The following SKI variants were observed in gnomAD, a reference collection of about 807,000 sequenced individuals.
SKI encodes the protein ski oncogene.
In SKI, 23 loss-of-function variants were observed where a neutral mutation model predicts 59.3. The ratio of observed to expected loss-of-function variants is 0.39; its 90% CI spans 0.28 to 0.55. The LOEUF (loss-of-function observed/expected upper bound fraction) is 0.55, where lower values mean the gene tolerates loss of function less well. SKI is among the 20% of genes least tolerant of loss of function. SKI has a pLI of 0.67. For synonymous variants in SKI, 673 were observed against 488.6 expected, an observed-to-expected ratio of 1.38 and a Z score of -4.98; for missense variants, 1,017 against 1,038.9, an observed-to-expected ratio of 0.98 and a Z score of 0.29.
At position 2,229,231 on chromosome 1, in the gene SKI, C is replaced by G. The variant is rs1026586604; in HGVS notation, c.465C>G (p.Ala155=). 5 of 1,606,352 alleles carry G rather than the reference C, an allele frequency of 3.1e-6. No individual in the cohort carries two copies. The highest frequency in any genetic ancestry group is 1.3e-5 in the African/African-American group (1 of 74,802). ...ACATCTACTGCTCGCGCTGCACGGC[C>G]GACCAGCTGGAGATCCTCAAAGTCA... ...ELHIYCSRCT[A]DQLEILKVMG... is the part of the protein sequence containing the mutation. Residue 155 remains alanine, a synonymous_variant, in exon 1 of 7, where the codon GCC becomes GCG. Coordinates refer to ENST00000378536, the MANE Select transcript of SKI (RefSeq NM_003036.4). The surrounding 1 kb of genome is among the most constrained non-coding windows in gnomAD (Gnocchi z 6.3).
At chr1:2,286,697 C>CTTT (rs1640046267) in intron 1 of SKI, among the ~76,000 whole-genome samples, 1 of 152,248 alleles carries the variant, frequency 6.6e-6, no homozygotes, top group Non-Finnish European at 1.5e-5. Context: ...AGCTCTCGCT[C>CTTT]TGAGTGAGGA....
In SKI at chr1:2,303,866, C is replaced by T. The variant is rs2100918212; in HGVS notation, c.1238C>T (p.Thr413Ile). Residue 413 changes from threonine to isoleucine, a missense_variant, in exon 4 of 7, where the codon ACA becomes ATA. Thr to Ile is a moderately conservative substitution (Grantham distance 89). Coordinates refer to ENST00000378536, the MANE Select transcript of SKI (RefSeq NM_003036.4). This position sits in a 1 kb window ranked among gnomAD's most constrained non-coding sequence, Gnocchi z 5.6. ...DSFYSYKSFE[T>I]AVAPNVALAP... Reference sequence around the variant, plus strand: ...TTCTACTCCTACAAGAGCTTTGAGACAGCCGTGGCGCCCAACGTGGCCCTC... The same window carrying T: ...TTCTACTCCTACAAGAGCTTTGAGATAGCCGTGGCGCCCAACGTGGCCCTC... 1.2e-6 allele frequency: 2 copies of T among 1,612,488 alleles called. No homozygotes were observed. The highest frequency in any genetic ancestry group is 1.7e-6 in the Non-Finnish European group (2 of 1,179,816).
chr1:2,246,332 C>G (rs1056051511), intron 1 of SKI, among the ~76,000 whole-genome samples: 4 of 152,178 alleles, frequency 2.6e-5, no homozygotes, highest in Non-Finnish European at 4.4e-5. Flanking sequence ...CCTATATCCT[C>G]TTTGAGGAAT....
intron 1 of SKI, among the ~76,000 whole-genome samples, chr1:2,300,526 G>T (rs964655323): frequency 6.6e-6 from 1 of 152,222 alleles, no homozygotes; most frequent in Non-Finnish European, 1.5e-5. Context: ...TTGGTAGGGC[G>T]GGTGGCATCC....
intron 1 of SKI, among the ~76,000 whole-genome samples, chr1:2,236,113 G>T (rs1638745460): frequency 1.3e-5 from 2 of 152,174 alleles, no homozygotes; most frequent in African/African-American, 4.8e-5. Flanking sequence ...GAATCGGGGC[G>T]TTTAGGCCTG....
chr1:2,231,772 A>G (rs181126602), intron 1 of SKI, among the ~76,000 whole-genome samples: 108 of 152,274 alleles, frequency 7.1e-4, no homozygotes, highest in African/African-American at 2.5e-3. Context: ...AATGTTCACC[A>G]GCTCCTGCGG....
Position 2,307,578 on chromosome 1 carries a change from C to T in SKI, c.*813C>T, listed in dbSNP as rs2100928957. The T allele has an allele frequency of 1.3e-5, 2 of 152,586 alleles. No individual in the cohort carries two copies. Among genetic ancestry groups the T allele is most frequent in the South Asian group, 4.1e-4 (2 of 4,836 alleles). The allele number at this position is 152,586 out of a possible 1,614,324, so 9.5% of individuals were successfully genotyped here. On this transcript the variant is annotated 3_prime_UTR_variant, in exon 7 of 7. Transcript: ENST00000378536. ...GCTGGCGGTCACGCCCTCAGCCCCT[C>T]CGGGCACACGTGCCGCCTGACCGGG...
chr1:2,228,412 G>A lies in SKI; in HGVS notation c.-355G>A, dbSNP rs2100788812. Among the ~76,000 whole-genome samples the A allele has an allele frequency of 7.1e-6, 1 of 141,706 alleles. No homozygotes were observed. Among genetic ancestry groups the A allele is most frequent in the South Asian group, 2.2e-4 (1 of 4,466 alleles). 93.0% of individuals were successfully genotyped at this position (141,706 alleles called of 152,430 possible). A position where few individuals can be genotyped will look rare whatever the true frequency, so the allele number is the denominator to read the frequency against. On this transcript the variant is annotated 5_prime_UTR_variant, in exon 1 of 7. Transcript: ENST00000378536. ...CGCGCCCCCCGCGAGCCCCGGGCCC[G>A]CGAGCGTTGGCGTTGGCGTTGGCGG...
At chr1:2,250,913 G>A (rs1203671742) in intron 1 of SKI, among the ~76,000 whole-genome samples, 2 of 152,258 alleles carry the variant, frequency 1.3e-5, no homozygotes, top group Non-Finnish European at 2.9e-5. Flanking sequence ...TATCAGAGGC[G>A]TGGGAGGCAT....
At chr1:2,305,922 A>T (rs1235433141) in intron 5 of SKI, 98 bp from the exon 6 acceptor site, 3 of 953,282 alleles carry the variant, frequency 3.1e-6, no homozygotes, top group Admixed American at 4.0e-5. Context: ...ACATTGTCAG[A>T]TAGATGACCC....
At chr1:2,262,106 G>T (rs1471403845) in intron 1 of SKI, among the ~76,000 whole-genome samples, 5 of 140,560 alleles carry the variant, frequency 3.6e-5, no homozygotes, top group Admixed American at 3.5e-4. Flanking sequence ...CCTCGCTCCT[G>T]ATCTCCTGGT....
At chr1:2,262,807 C>T (rs1483564007) in intron 1 of SKI, among the ~76,000 whole-genome samples, 1 of 152,044 alleles carries the variant, frequency 6.6e-6, no homozygotes, top group African/African-American at 2.4e-5. Flanking sequence ...ATTATATTGA[C>T]TGATTCTTGA....
Position 2,303,250 on chromosome 1 carries a change from C to A in SKI, c.1096-35C>A. 6.2e-7 allele frequency: 1 copy of A among 1,608,212 alleles called. No homozygotes were observed. ...GGGACATGAAGTGGCTTGTTTTTCT[C>A]CTGGTCACTCACACAGACAACTCTT... On this transcript the variant is annotated intron_variant, in intron 2 of 6. Coordinates refer to ENST00000378536, the MANE Select transcript of SKI (RefSeq NM_003036.4). The surrounding 1 kb of genome is among the most constrained non-coding windows in gnomAD (Gnocchi z 5.6).
intron 1 of SKI, among the ~76,000 whole-genome samples, chr1:2,260,341 T>G (rs918542283): frequency 1.3e-5 from 2 of 152,116 alleles, no homozygotes; most frequent in Non-Finnish European, 2.9e-5. Flanking sequence ...TTTTTGCCAG[T>G]TATTTTAGAC....
chr1:2,271,838 A>G (rs969815560), intron 1 of SKI, among the ~76,000 whole-genome samples: 1 of 152,156 alleles, frequency 6.6e-6, no homozygotes, highest in Non-Finnish European at 1.5e-5. Flanking sequence ...ACATTGTGCG[A>G]TGGCCCCAGA....
chr1:2,262,898 T>G (rs548668074), intron 1 of SKI, among the ~76,000 whole-genome samples: 21 of 150,732 alleles, frequency 1.4e-4, no homozygotes, highest in African/African-American at 3.7e-4. Context: ...GTTGAATTTG[T>G]TTTTTTTTGT....
chr1:2,277,654 G>A (rs563821307), intron 1 of SKI, among the ~76,000 whole-genome samples: 16 of 152,166 alleles, frequency 1.1e-4, no homozygotes, highest in Non-Finnish European at 2.4e-4. Context: ...TCAGCACTGT[G>A]GGCGCACACA....
At chr1:2,291,540 G>A (rs1640162405) in intron 1 of SKI, among the ~76,000 whole-genome samples, 1 of 152,248 alleles carries the variant, frequency 6.6e-6, no homozygotes, top group African/African-American at 2.4e-5. Context: ...ACCCCAGCAA[G>A]GTTGGGGCTG....
At chr1:2,231,782 G>C (rs1426156760) in intron 1 of SKI, among the ~76,000 whole-genome samples, 2 of 152,228 alleles carry the variant, frequency 1.3e-5, no homozygotes, top group African/African-American at 4.8e-5. Context: ...AGCTCCTGCG[G>C]GTTTTCCTCT....
Sources: gnomAD v4.1 joint callset for allele counts (sites outside exome capture counted in the v4.1 genomes callset) on GRCh38, gnomAD v4.1.1 for gene constraint, Gnocchi (gnomAD v3.1) non-coding constraint, MANE v1.5 for transcripts, NCBI Gene and HGNC (gene_info 2026-07-23, HGNC 2026-07-21) for gene names.